MMP16: variants seen among roughly 807,000 people sequenced by gnomAD.
MMP16 encodes matrix metallopeptidase 16, also known as matrix metalloproteinase-16.
MMP16 carries 12 observed loss-of-function variants against 67.8 expected under a neutral mutation model. That is an observed-to-expected ratio of 0.18 (90% CI 0.11 to 0.29). The LOEUF (loss-of-function observed/expected upper bound fraction) is 0.29, where lower values mean the gene tolerates loss of function less well. MMP16 is among the 10% of genes least tolerant of loss of function. The pLI, the probability that MMP16 is intolerant of heterozygous loss-of-function variation, is 1.00. For synonymous variants in MMP16, 249 were observed against 255.9 expected (o/e 0.97, Z 0.26); for missense variants, 475 against 765.7 (o/e 0.62, Z 4.48).
chr8:88,148,504 T>C (rs1229141184), intron 4 of MMP16, among the ~76,000 whole-genome samples: 1 of 152,204 alleles, frequency 6.6e-6, no homozygotes, highest in Non-Finnish European at 1.5e-5. Context: ...TGTATGTATG[T>C]GTATCATTTT....
intron 8 of MMP16, among the ~76,000 whole-genome samples, chr8:88,048,364 A>G (rs2118204489): frequency 6.6e-6 from 1 of 152,300 alleles, no homozygotes; most frequent in African/African-American, 2.4e-5. Context: ...ACAAATTGTG[A>G]ACATCCCTAC....
chr8:88,166,820 C>T (rs1454366715), intron 4 of MMP16, among the ~76,000 whole-genome samples: 1 of 150,090 alleles, frequency 6.7e-6, no homozygotes, highest in Non-Finnish European at 1.5e-5. Context: ...GGGATCCCGT[C>T]TTGGCCTCTC....
intron 7 of MMP16, among the ~76,000 whole-genome samples, chr8:88,063,964 A>G (rs1333123885): frequency 6.6e-6 from 1 of 152,104 alleles, no homozygotes; most frequent in Non-Finnish European, 1.5e-5. Context: ...ATTAAAAAAA[A>G]TCAACTGTAT....
intron 4 of MMP16, among the ~76,000 whole-genome samples, chr8:88,159,198 T>C (rs967051149): frequency 6.6e-6 from 1 of 152,178 alleles, no homozygotes; most frequent in East Asian, 1.9e-4. Context: ...TCCAATTCTG[T>C]GAAGAAAGTC....
At chr8:88,271,590 T>C (rs1810564549) in intron 1 of MMP16, among the ~76,000 whole-genome samples, 2 of 152,026 alleles carry the variant, frequency 1.3e-5, no homozygotes, top group Non-Finnish European at 2.9e-5. Flanking sequence ...GCCTCCCGGG[T>C]TCAAGCGATT....
intron 3 of MMP16, among the ~76,000 whole-genome samples, chr8:88,183,888 A>C (rs970925573): frequency 1.3e-5 from 2 of 149,774 alleles, no homozygotes; most frequent in African/African-American, 4.9e-5. Context: ...GCTAATTTTT[A>C]TTTATTTATT....
At chr8:88,215,087 T>A (rs1809568675) in intron 1 of MMP16, among the ~76,000 whole-genome samples, 1 of 152,174 alleles carries the variant, frequency 6.6e-6, no homozygotes, top group South Asian at 2.1e-4. Flanking sequence ...CCCAGCACTT[T>A]GGGAGGCCAA....
intron 1 of MMP16, among the ~76,000 whole-genome samples, chr8:88,304,565 C>A (rs1811183917): frequency 6.6e-6 from 1 of 152,172 alleles, no homozygotes; most frequent in South Asian, 2.1e-4. Flanking sequence ...TAGCCACCTA[C>A]AAAGGGAAGC....
chr8:88,238,390 G>T (rs916060177), intron 1 of MMP16, among the ~76,000 whole-genome samples: 2 of 151,936 alleles, frequency 1.3e-5, no homozygotes. Flanking sequence ...GGGCCCAGTG[G>T]CTTGCATCTG....
chr8:88,269,267 G>A (rs1186240948), intron 1 of MMP16, among the ~76,000 whole-genome samples: 4 of 152,096 alleles, frequency 2.6e-5, no homozygotes, highest in Non-Finnish European at 1.5e-5. Context: ...ATGTAAACCG[G>A]AGCACCATTT....
At chr8:88,293,775 T>C (rs990170968) in intron 1 of MMP16, among the ~76,000 whole-genome samples, 2 of 152,134 alleles carry the variant, frequency 1.3e-5, no homozygotes, top group African/African-American at 4.8e-5. Flanking sequence ...TGAGTGAAAT[T>C]AGGATTTGAT....
At chr8:88,137,056 T>C (rs1218998353) in intron 4 of MMP16, among the ~76,000 whole-genome samples, 2 of 151,956 alleles carry the variant, frequency 1.3e-5, no homozygotes, top group Non-Finnish European at 2.9e-5. Flanking sequence ...ATAATTGTTA[T>C]CATCAATATT....
chr8:88,120,636 C>T (rs1807808960), intron 4 of MMP16, among the ~76,000 whole-genome samples: 1 of 151,842 alleles, frequency 6.6e-6, no homozygotes. Context: ...AAAAGAAGCC[C>T]AGGCAGTCTA....
intron 1 of MMP16, among the ~76,000 whole-genome samples, chr8:88,208,818 CAAAA>C (rs59898929): frequency 3.1e-5 from 4 of 130,660 alleles, no homozygotes; most frequent in Admixed American, 1.6e-4. Flanking sequence ...GTAGATATGG[CAAAA>C]AAAAAAAAAA....
At chr8:88,092,735 A>G (rs1808958802) in intron 6 of MMP16, among the ~76,000 whole-genome samples, 1 of 151,944 alleles carries the variant, frequency 6.6e-6, no homozygotes, top group South Asian at 2.1e-4. Flanking sequence ...TTTAAATTAA[A>G]AAATACATTG....
At chr8:88,280,873 A>T (rs1335452658) in intron 1 of MMP16, among the ~76,000 whole-genome samples, 1 of 151,204 alleles carries the variant, frequency 6.6e-6, no homozygotes, top group Non-Finnish European at 1.5e-5. Context: ...AAACAGAGTG[A>T]GACCCCATCT....
At position 88,056,074 on chromosome 8, in the gene MMP16, A is replaced by AT. The variant is rs146619390; in HGVS notation, c.1373+53dup. 830 of 1,333,640 alleles carry AT rather than the reference A, an allele frequency of 6.2e-4. 2 individuals carry two copies. In the African/African-American group the frequency reaches 0.01, roughly 17 times the overall value. The allele number at this position is 1,333,640 out of a possible 1,614,324, so 82.6% of individuals were successfully genotyped here. On this transcript the variant is annotated intron_variant, in intron 8 of 9. Transcript: ENST00000286614. ...TGCCTCTGATAGACTAGAAATGCTG[A>AT]TTTTCTAAACATTGGTTAATTAACT...
At chr8:88,221,475 CAT>C (rs1157600295) in intron 1 of MMP16, among the ~76,000 whole-genome samples, 1 of 151,822 alleles carries the variant, frequency 6.6e-6, no homozygotes, top group Non-Finnish European at 1.5e-5. Flanking sequence ...AAGCAAATAA[CAT>C]AACATTTAAA....
Position 88,136,205 on chromosome 8 carries a change from G to A in MMP16, c.710-17344C>T, listed in dbSNP as rs111900782. On this transcript the variant is annotated intron_variant, in intron 4 of 9. Coordinates refer to ENST00000286614, the MANE Select transcript of MMP16 (RefSeq NM_005941.5). ...ATGACTAAAAAAGGTTCATGGATTT[G>A]ACAACTAAGATACAAGGATGACCTC... 6.4e-3 allele frequency among the ~76,000 whole-genome samples: 978 copies of A among 151,838 alleles called. 5 individuals carry two copies. The highest frequency in any genetic ancestry group is 0.022 in the African/African-American group (926 of 41,474).
Sources: gnomAD v4.1 joint callset for allele counts (sites outside exome capture counted in the v4.1 genomes callset) on GRCh38, gnomAD v4.1.1 for gene constraint, MANE v1.5 for transcripts, NCBI Gene and HGNC (gene_info 2026-07-23, HGNC 2026-07-21) for gene names.